The following HSPG2 variants were observed in gnomAD, a reference collection of about 807,000 sequenced individuals.
HSPG2 encodes basement membrane-specific heparan sulfate proteoglycan core protein.
A neutral mutation model predicts 526.6 loss-of-function variants in HSPG2; 278 were observed. The observed-to-expected ratio is 0.53, with a 90% confidence interval of 0.48 to 0.58. The LOEUF is 0.58. HSPG2 is among the 20% of genes least tolerant of loss of function. The pLI, the probability that HSPG2 is intolerant of heterozygous loss-of-function variation, is 0.00. For synonymous variants in HSPG2, 2,465 were observed against 2,555.4 expected, an observed-to-expected ratio of 0.96 and a Z score of 1.07; for missense variants, 5,354 against 6,099.5, an observed-to-expected ratio of 0.88 and a Z score of 4.07.
chr1:21,851,729 G>C (rs551877413), intron 54 of HSPG2, 32 bp from the exon 55 acceptor site: 27 of 1,613,882 alleles, frequency 1.7e-5, no homozygotes, highest in African/African-American at 2.7e-5. Flanking sequence ...GGTCACTCCT[G>C]TTCTCTGAAG....
rs1639516700 is a variant in HSPG2, at chr1:21,858,467, C to G, written c.5294-1082G>C. Among the ~76,000 whole-genome samples the G allele has an allele frequency of 6.6e-6, 1 of 152,206 alleles. No homozygotes were observed. On this transcript the variant is annotated intron_variant, in intron 42 of 96. Transcript: ENST00000374695. This position sits in a 1 kb window ranked among gnomAD's most constrained non-coding sequence, Gnocchi z 4.2. ...CTTCATCCTGTCCCATAGCTTTGAA[C>G]ACCATCCCTGTGCCAACAGCAACCA...
At chr1:21,863,060 C>CAAAAAAAAAAAAAAAAAAA (rs60890297) in intron 37 of HSPG2, among the ~76,000 whole-genome samples, 13 of 31,234 alleles carry the variant, frequency 4.2e-4, no homozygotes, top group Non-Finnish European at 4.9e-4. Context: ...GACTCCATCT[C>CAAAAAAAAAAAAAAAAAAA]AAAAAAAAAA....
chr1:21,877,270 C>T (rs1021825374), intron 21 of HSPG2, among the ~76,000 whole-genome samples: 3 of 151,992 alleles, frequency 2.0e-5, no homozygotes, highest in South Asian at 2.1e-4. Flanking sequence ...GAGTGTTTCA[C>T]GCACTGTTCT....
intron 64 of HSPG2, among the ~76,000 whole-genome samples, chr1:21,845,809 G>A (rs1638385729): frequency 6.6e-6 from 1 of 152,170 alleles, no homozygotes; most frequent in Admixed American, 6.5e-5. Flanking sequence ...ACAGTGACAG[G>A]TGGAAAGCTG....
chr1:21,823,948 G>A (rs1303012444), intron 95 of HSPG2, 173 bp downstream of exon 95: 8 of 775,318 alleles, frequency 1.0e-5, no homozygotes, highest in African/African-American at 5.1e-5. Flanking sequence ...TGCCCCCAGC[G>A]GAGTTCAGTC....
rs760260190 is a variant in HSPG2 at position 21,872,689 on chromosome 1, G to T, written c.3960C>A (p.Asp1320Glu). 1 of 1,607,706 alleles carries T rather than the reference G, an allele frequency of 6.2e-7. No homozygotes were observed. The highest frequency in any genetic ancestry group is 8.5e-7 in the Non-Finnish European group (1 of 1,178,054). Residue 1320 changes from aspartate to glutamate, a missense_variant, in exon 32 of 97, where the codon GAC (aspartate) becomes GAA (glutamate). Physicochemically the swap from Asp to Glu is conservative, Grantham distance 45. Coordinates refer to ENST00000374695, the MANE Select transcript of HSPG2 (RefSeq NM_005529.7). This position sits in a 1 kb window ranked among gnomAD's most constrained non-coding sequence, Gnocchi z 5.5. Reference sequence around the variant, plus strand: ...CCATACAGAAGCAGGGCAGGCAGCCGTCTGGGTTGCTGGCACTCAGGTGGA... The same window carrying T: ...CCATACAGAAGCAGGGCAGGCAGCCTTCTGGGTTGCTGGCACTCAGGTGGA... ...HHFHLSASNPDGCLPCFCMGI... is the reference protein window; with the variant it reads ...HHFHLSASNPEGCLPCFCMGI...
intron 91 of HSPG2, among the ~76,000 whole-genome samples, chr1:21,826,086 T>C (rs1247038165): frequency 6.8e-6 from 1 of 146,358 alleles, no homozygotes; most frequent in African/African-American, 2.8e-5. Context: ...CCCAGCCTTA[T>C]TTTTTATTTT....
At chr1:21,837,196 T>C (rs2098029936) in intron 74 of HSPG2, among the ~76,000 whole-genome samples, 190 bp from the exon 75 acceptor site, 1 of 152,096 alleles carries the variant, frequency 6.6e-6, no homozygotes, top group Admixed American at 6.5e-5. Flanking sequence ...TCCACCAACA[T>C]GGATAAGGGC....
At position 21,829,905 on chromosome 1, in the gene HSPG2, G is replaced by A. The variant is rs1469018906; in HGVS notation, c.11770+88C>T. ...TGGCTTGGGAATCGTTTTATCATCCGTAGGGCCCATCATGGCCTCAGAGTG... is the reference window on the plus strand; with the variant it reads ...TGGCTTGGGAATCGTTTTATCATCCATAGGGCCCATCATGGCCTCAGAGTG... On this transcript the variant is annotated intron_variant, in intron 86 of 96. Transcript: ENST00000374695. 44 of 1,113,704 alleles carry A rather than the reference G, an allele frequency of 4.0e-5. No individual in the cohort carries two copies. The East Asian group carries it at 6.4e-4, about 16-fold the overall frequency. 69.0% of individuals were successfully genotyped at this position (1,113,704 alleles called of 1,614,324 possible).
At chr1:21,829,773 A>T (rs1484654578) in intron 86 of HSPG2, 169 bp from the exon 87 acceptor site, 1 of 712,514 alleles carries the variant, frequency 1.4e-6, no homozygotes, top group East Asian at 2.7e-5. Context: ...GCCCTTGCAC[A>T]CGGGGCTGGG....
intron 29 of HSPG2, 146 bp downstream of exon 29, chr1:21,873,779 G>T (rs538918591): frequency 1.5e-6 from 1 of 685,302 alleles, no homozygotes; most frequent in African/African-American, 1.8e-5. Flanking sequence ...CCCGAGGAGG[G>T]GAGCTGACTG....
chr1:21,870,161 T>A (rs1640536660), intron 33 of HSPG2: 1 of 801,316 alleles, frequency 1.2e-6, no homozygotes, highest in African/African-American at 1.9e-5. Flanking sequence ...AGCTCTCTGG[T>A]CTCCTCGCTG....
chr1:21,824,826 A>G lies in HSPG2; in HGVS notation c.12590-47T>C. 6.5e-7 allele frequency: 1 copy of G among 1,538,528 alleles called. No homozygotes were observed. The highest frequency in any genetic ancestry group is 8.9e-7 in the Non-Finnish European group (1 of 1,124,358). Reference sequence around the variant, plus strand: ...TGCCATACCTGCTGCATCAGGCATCAAAATCCCCCGTCAGTTCCCCTGACC... The same window carrying G: ...TGCCATACCTGCTGCATCAGGCATCGAAATCCCCCGTCAGTTCCCCTGACC... On this transcript the variant is annotated intron_variant, in intron 91 of 96. Transcript: ENST00000374695. The surrounding 1 kb of genome is among the most constrained non-coding windows in gnomAD (Gnocchi z 5.9).
intron 28 of HSPG2, among the ~76,000 whole-genome samples, 166 bp from the exon 29 acceptor site, chr1:21,874,177 G>A (rs1640872546): frequency 6.6e-6 from 1 of 152,198 alleles, no homozygotes; most frequent in Non-Finnish European, 1.5e-5. Flanking sequence ...CACATGCATA[G>A]CCTCATTCAA....
rs775821427 is a variant in HSPG2 at position 21,884,774 on chromosome 1, T to C, written c.1500A>G (p.Pro500=). 1.9e-6 allele frequency: 3 copies of C among 1,613,418 alleles called. No homozygotes were observed. The highest frequency in any genetic ancestry group is 1.6e-4 in the Middle Eastern group (1 of 6,084). ...CCTGCCCTCCGGCAGTACCTCGTTG[T>C]GGGACGAGCTCAAGGACACCGTCAG... ...GIPDGVLELV[P]QRGPCPDGHF... is the part of the protein sequence containing the mutation. The change falls in exon 12 of 97, where the codon CCA becomes CCG. Residue 500 remains proline, a synonymous_variant. Transcript: ENST00000374695.
intron 1 of HSPG2, among the ~76,000 whole-genome samples, chr1:21,901,521 G>A (rs892521409): frequency 6.6e-6 from 1 of 152,078 alleles, no homozygotes; most frequent in Non-Finnish European, 1.5e-5. Flanking sequence ...GCTCAAAGTT[G>A]TCTGCCTGCT....
rs149710901 is a variant in HSPG2, at chr1:21,884,625, C to T, written c.1557G>A (p.Leu519=). ...TGGTGATGCCAAAGCAGAAGCAGGG[C>T]AGGCAGGCGGCGCTGTGCTCCAGGT... is the stretch of plus-strand genomic sequence containing the variant. ...HFYLEHSAAC[L]PCFCFGITSV... Residue 519 remains leucine (L), a synonymous_variant, in exon 13 of 97, where the codon CTG becomes CTA. Transcript: ENST00000374695. 1,096 of 1,611,090 alleles carry T rather than the reference C, an allele frequency of 6.8e-4. 1 individual carries two copies. The highest frequency in any genetic ancestry group is 8.6e-4 in the Non-Finnish European group (1,018 of 1,179,800).
intron 33 of HSPG2, chr1:21,869,805 G>C (rs1640508114): frequency 1.1e-6 from 1 of 883,418 alleles, no homozygotes; most frequent in Non-Finnish European, 1.4e-6. Flanking sequence ...TGGCACTCTG[G>C]CCCTTGTACC....
At chr1:21,871,343 T>TC (rs1008059723) in intron 33 of HSPG2, among the ~76,000 whole-genome samples, 13 of 137,718 alleles carry the variant, frequency 9.4e-5, no homozygotes, top group African/African-American at 3.5e-4. Context: ...CACTGCAACC[T>TC]CCCCATCCTG....
Sources: allele counts gnomAD v4.1 joint callset (sites outside exome capture counted in the v4.1 genomes callset), GRCh38; gene constraint gnomAD v4.1.1; non-coding constraint Gnocchi (gnomAD v3.1); transcripts MANE v1.5; gene names NCBI Gene and HGNC (gene_info 2026-07-23, HGNC 2026-07-21).